Variants in ENG observed in about 807,000 individuals in gnomAD.
ENG encodes the protein endoglin, also known as CD105 antigen.
ENG carries 17 observed loss-of-function variants against 71.0 expected under a neutral mutation model. The observed-to-expected ratio is 0.24, with a 90% CI of 0.16 to 0.36. The LOEUF is 0.36. Ranked by LOEUF, ENG falls within the 10% of genes least tolerant of loss-of-function variation. The pLI, the probability that ENG is intolerant of heterozygous loss-of-function variation, is 1.00. For missense variants in ENG, 749 were observed against 868.3 expected, an observed-to-expected ratio of 0.86 and a Z score of 1.73; for synonymous variants, 360 against 366.9, an observed-to-expected ratio of 0.98 and a Z score of 0.21.
chr9:127,846,335 C>T lies in ENG; in HGVS notation c.68-3090G>A, dbSNP rs540185268. ...ATGGGGAGACTGAGGTCTGGAGGGA[C>T]GGGACAGGTCAAAGTCTCACAGCAC... On this transcript the variant is annotated intron_variant, in intron 1 of 14. Transcript: ENST00000373203. The surrounding 1 kb of genome is among the most constrained non-coding windows in gnomAD (Gnocchi z 5.5). Among the ~76,000 whole-genome samples, 9 of 152,258 alleles carry T rather than the reference C, an allele frequency of 5.9e-5. No individual in the cohort carries two copies. The highest frequency in any genetic ancestry group is 2.1e-4 in the South Asian group (1 of 4,814).
intron 8 of ENG, among the ~76,000 whole-genome samples, 190 bp downstream of exon 8, chr9:127,824,114 G>A (rs1286622561): frequency 1.3e-5 from 2 of 152,192 alleles, no homozygotes; most frequent in African/African-American, 4.8e-5. Flanking sequence ...TGATTGGCCT[G>A]TCAGACTGCC....
chr9:127,851,809 C>A (rs41333850), intron 1 of ENG, among the ~76,000 whole-genome samples: 1 of 151,982 alleles, frequency 6.6e-6, no homozygotes, highest in Non-Finnish European at 1.5e-5. Context: ...ACCCGGGAGA[C>A]GGAGGTTGCA....
At chr9:127,827,430 C>G (rs1410837490) in intron 3 of ENG, among the ~76,000 whole-genome samples, 1 of 152,112 alleles carries the variant, frequency 6.6e-6, no homozygotes, top group African/African-American at 2.4e-5. Context: ...TCACTGCCTA[C>G]CCTGCCATTG....
chr9:127,852,677 G>A (rs538080382), intron 1 of ENG, among the ~76,000 whole-genome samples: 50 of 151,914 alleles, frequency 3.3e-4, no homozygotes, highest in Middle Eastern at 3.4e-3. Flanking sequence ...TGTGATCTGC[G>A]CCTGCAGAGA....
intron 2 of ENG, among the ~76,000 whole-genome samples, chr9:127,840,258 C>T (rs145019592): frequency 2.0e-5 from 3 of 152,354 alleles, no homozygotes; most frequent in East Asian, 3.9e-4. Context: ...CATACAGCGG[C>T]GCACACATTT....
chr9:127,842,747 G>T (rs1281095859), intron 2 of ENG, among the ~76,000 whole-genome samples: 16 of 152,140 alleles, frequency 1.1e-4, no homozygotes, highest in Admixed American at 1.0e-3. Flanking sequence ...CAAAGTCCAA[G>T]CTCCCTAGAG....
In ENG at chr9:127,825,279, G is replaced by A. The variant is rs780493782; in HGVS notation, c.768C>T (p.Pro256=). 4.3e-5 allele frequency: 70 copies of A among 1,612,424 alleles called. No individual in the cohort carries two copies. Among genetic ancestry groups the A allele is most frequent in the Non-Finnish European group, 5.8e-5 (69 of 1,179,712 alleles). Residue 256 remains proline (P), a synonymous_variant, in exon 6 of 15, where the codon CCC becomes CCT. Coordinates refer to ENST00000373203, the MANE Select transcript of ENG (RefSeq NM_001114753.3). ...DLDAVLILQG[P]PYVSWLIDAN... is the part of the protein sequence containing the mutation. ...CGTCGATGAGCCAGGACACGTAGGG[G>A]GGACCCTGCAGGATGAGGACGGCAT...
At chr9:127,829,895 G>A (rs2131895433) in intron 2 of ENG, 68 bp from the exon 3 acceptor site, 2 of 1,605,598 alleles carry the variant, frequency 1.2e-6, no homozygotes, top group African/African-American at 1.3e-5. Context: ...ACCCAGACAG[G>A]CAGTGATGAT....
At position 127,826,350 on chromosome 9, in the gene ENG, C is replaced by T. The variant is rs1211264495; in HGVS notation, c.523+160G>A. Among the ~76,000 whole-genome samples the T allele has an allele frequency of 3.9e-5, 6 of 152,208 alleles. No homozygotes were observed. The East Asian group carries it at 7.7e-4, about 20-fold the overall frequency. ...TCAATCTGATATTTGGTGGAGGAGC[C>T]ATCACTGTCCCAAGGCAGCACTGGC... On this transcript the variant is annotated intron_variant, in intron 4 of 14. Coordinates refer to ENST00000373203, the MANE Select transcript of ENG (RefSeq NM_001114753.3).
In ENG at chr9:127,844,217, C is replaced by CT. The variant is rs1831117593; in HGVS notation, c.68-973dup. ...CTCGACTTACTGCAACCTCTGCCTC[C>CT]TGGGTTCAAGTGATTCTCCTGCCTC... On this transcript the variant is annotated intron_variant, in intron 1 of 14. Transcript: ENST00000373203. Among the ~76,000 whole-genome samples, 5 of 151,710 alleles carry CT rather than the reference C, an allele frequency of 3.3e-5. No homozygotes were observed. In the South Asian group the frequency reaches 1.0e-3, roughly 32 times the overall value.
chr9:127,848,272 T>C (rs1831218248), intron 1 of ENG, among the ~76,000 whole-genome samples: 1 of 151,738 alleles, frequency 6.6e-6, no homozygotes, highest in Admixed American at 6.6e-5. Flanking sequence ...ACTCATCCTT[T>C]GTTTGACCAC....
intron 2 of ENG, among the ~76,000 whole-genome samples, chr9:127,833,709 A>G (rs1398595232): frequency 2.0e-5 from 3 of 152,198 alleles, no homozygotes; most frequent in Non-Finnish European, 2.9e-5. Flanking sequence ...GGCTATTTCA[A>G]GATGAAGACA....
chr9:127,828,724 C>T (rs942374199), intron 3 of ENG, among the ~76,000 whole-genome samples: 1 of 152,124 alleles, frequency 6.6e-6, no homozygotes, highest in African/African-American at 2.4e-5. Context: ...GGCATGCTGG[C>T]TTGGTCATGT....
At chr9:127,844,086 T>C (rs1831115419) in intron 1 of ENG, among the ~76,000 whole-genome samples, 1 of 150,152 alleles carries the variant, frequency 6.7e-6, no homozygotes, top group Non-Finnish European at 1.5e-5. Context: ...CCTATATTTT[T>C]ATTTTTTATT....
chr9:127,816,997 G>A, intron 13 of ENG, 152 bp downstream of exon 13: 1 of 851,436 alleles, frequency 1.2e-6, no homozygotes. Flanking sequence ...CTATGGCTCT[G>A]GGAAGCCCTC....
At chr9:127,819,031 G>A (rs1344112208) in intron 10 of ENG, among the ~76,000 whole-genome samples, 199 bp from the exon 11 acceptor site, 5 of 151,188 alleles carry the variant, frequency 3.3e-5, no homozygotes, top group African/African-American at 7.3e-5. Flanking sequence ...TCCGCCTCCC[G>A]GGTTCATGCC....
chr9:127,839,020 A>C (rs895855718), intron 2 of ENG, among the ~76,000 whole-genome samples: 8 of 151,640 alleles, frequency 5.3e-5, no homozygotes, highest in East Asian at 3.9e-4. Flanking sequence ...AAAAGCCACC[A>C]CCCCCACTAC....
intron 10 of ENG, chr9:127,819,334 A>C (rs2131878085): frequency 2.2e-6 from 1 of 449,592 alleles, no homozygotes; most frequent in Non-Finnish European, 4.1e-6. Context: ...GCCCAGAAGC[A>C]CCCTGTGGCG....
intron 2 of ENG, among the ~76,000 whole-genome samples, chr9:127,837,863 C>G (rs1830943386): frequency 7.4e-6 from 1 of 134,930 alleles, no homozygotes; most frequent in African/African-American, 2.9e-5. Context: ...ACCAAAGATT[C>G]AGCAGTAAGA....
Sources: allele counts gnomAD v4.1 joint callset (sites outside exome capture counted in the v4.1 genomes callset), GRCh38; gene constraint gnomAD v4.1.1; non-coding constraint Gnocchi (gnomAD v3.1); transcripts MANE v1.5; gene names NCBI Gene and HGNC (gene_info 2026-07-23, HGNC 2026-07-21).